The following NRP2 variants were observed in gnomAD, a reference collection of about 807,000 sequenced individuals.
The protein encoded by NRP2 is neuropilin 2.
Under a neutral mutation model 110.4 loss-of-function variants are expected in NRP2, and 52 were observed. The observed-to-expected ratio is 0.47, with a 90% CI of 0.38 to 0.59. The LOEUF (loss-of-function observed/expected upper bound fraction) is 0.59. Ranked by LOEUF, NRP2 falls within the 20% of genes least tolerant of loss-of-function variation. The pLI is 0.00. For missense variants in NRP2, 1,049 were observed against 1,203.0 expected (o/e 0.87, Z 1.89); for synonymous variants, 508 against 468.9 (o/e 1.08, Z -1.08).
chr2:205,717,094 C>T (rs909004382), intron 3 of NRP2, among the ~76,000 whole-genome samples: 1 of 152,094 alleles, frequency 6.6e-6, no homozygotes, highest in African/African-American at 2.4e-5. Flanking sequence ...AAACTAAATA[C>T]AGCAGACTTT....
chr2:205,774,827 A>T (rs535081154), intron 15 of NRP2, among the ~76,000 whole-genome samples: 1 of 152,318 alleles, frequency 6.6e-6, no homozygotes, highest in East Asian at 1.9e-4. Context: ...TGATTCACCA[A>T]GCATTTATTG....
intron 7 of NRP2, among the ~76,000 whole-genome samples, chr2:205,735,918 C>T (rs781705737): frequency 3.9e-5 from 6 of 152,182 alleles, no homozygotes; most frequent in Non-Finnish European, 5.9e-5. Context: ...TTTTTAAATA[C>T]GCACACACAT....
intron 15 of NRP2, among the ~76,000 whole-genome samples, chr2:205,790,635 G>A (rs931492199): frequency 3.4e-5 from 5 of 146,066 alleles, no homozygotes; most frequent in African/African-American, 1.0e-4. Flanking sequence ...GAAATGTGAC[G>A]GTTTTCTTCC....
chr2:205,687,143 G>T (rs2056188650), intron 1 of NRP2, among the ~76,000 whole-genome samples: 1 of 152,160 alleles, frequency 6.6e-6, no homozygotes, highest in East Asian at 1.9e-4. Flanking sequence ...GACACGCGCA[G>T]ATTCTCGGTC....
chr2:205,688,007 CTGAG>C (rs2056216463), intron 1 of NRP2, among the ~76,000 whole-genome samples: 1 of 152,142 alleles, frequency 6.6e-6, no homozygotes, highest in African/African-American at 2.4e-5. Context: ...TCAGGATGAC[CTGAG>C]TGTAAGACAA....
intron 5 of NRP2, among the ~76,000 whole-genome samples, chr2:205,724,815 C>T (rs560641053): frequency 2.6e-5 from 4 of 152,002 alleles, no homozygotes; most frequent in African/African-American, 4.8e-5. Flanking sequence ...TACAGGCATG[C>T]GCCACCATGC....
intron 15 of NRP2, among the ~76,000 whole-genome samples, chr2:205,774,544 G>A (rs893071939): frequency 1.3e-5 from 2 of 152,170 alleles, no homozygotes; most frequent in Admixed American, 1.3e-4. Flanking sequence ...GGGACTTCTG[G>A]TCACCCAAGA....
intron 9 of NRP2, among the ~76,000 whole-genome samples, chr2:205,745,269 G>A (rs1021806786): frequency 1.3e-5 from 2 of 152,200 alleles, no homozygotes; most frequent in Non-Finnish European, 2.9e-5. Flanking sequence ...TTCCCGTAAG[G>A]TTCTCAGTGA....
intron 1 of NRP2, among the ~76,000 whole-genome samples, chr2:205,687,937 A>G (rs1030367701): frequency 1.3e-5 from 2 of 152,164 alleles, no homozygotes; most frequent in Non-Finnish European, 2.9e-5. Flanking sequence ...GATTCTGGGG[A>G]CCCTGGTGTT....
intron 15 of NRP2, chr2:205,777,177 G>C (rs1323102551): frequency 4.1e-6 from 4 of 984,264 alleles, no homozygotes; most frequent in Non-Finnish European, 4.8e-6. Flanking sequence ...GGTTTCTGTT[G>C]GCTGTCATTG....
Position 205,765,535 on chromosome 2 carries a change from G to C in NRP2, c.2369G>C (p.Arg790Pro). The change falls in exon 14 of 17, where the codon CGG (arginine) becomes CCG (proline). Residue 790 changes from arginine to proline, a missense_variant. Arg to Pro is a moderately radical substitution (Grantham distance 103). Coordinates refer to ENST00000357785, the MANE Select transcript of NRP2 (RefSeq NM_003872.3). ...GGAGAGATTGCCATTGATGACATTCGGATAAGCACTGATGTCCCACTGGAG... is the reference window on the plus strand; with the variant it reads ...GGAGAGATTGCCATTGATGACATTCCGATAAGCACTGATGTCCCACTGGAG... ...RSGEIAIDDI[R>P]ISTDVPLENC... 6.2e-7 allele frequency: 1 copy of C among 1,614,066 alleles called. No individual in the cohort carries two copies. The highest frequency in any genetic ancestry group is 8.5e-7 in the Non-Finnish European group (1 of 1,179,980).
chr2:205,697,874 T>C, intron 2 of NRP2, 153 bp downstream of exon 2: 1 of 789,040 alleles, frequency 1.3e-6, no homozygotes, highest in Non-Finnish European at 2.2e-6. Flanking sequence ...TCAAGGGGCA[T>C]TCCCTTTCCA....
At chr2:205,720,724 T>C (rs2056993737) in intron 3 of NRP2, among the ~76,000 whole-genome samples, 2 of 152,204 alleles carry the variant, frequency 1.3e-5, no homozygotes, top group Admixed American at 1.3e-4. Flanking sequence ...CTTTGCTGAA[T>C]TGCCTCATCC....
chr2:205,696,353 A>G (rs2056426465), intron 1 of NRP2, among the ~76,000 whole-genome samples: 1 of 152,220 alleles, frequency 6.6e-6, no homozygotes, highest in Non-Finnish European at 1.5e-5. Flanking sequence ...GTCGTAATAC[A>G]TAATTCACGG....
chr2:205,686,721 G>C lies in NRP2; in HGVS notation c.73+3358G>C, dbSNP rs2056174533. ...AAGTTTTAGGGGATCTTGCCCATAT[G>C]CGTTGCGGCTTCTGCGGCTCCGGCT... On this transcript the variant is annotated intron_variant, in intron 1 of 16. Transcript: ENST00000357785. This position sits in a 1 kb window ranked among gnomAD's most constrained non-coding sequence, Gnocchi z 4.7. 6.6e-6 allele frequency among the ~76,000 whole-genome samples: 1 copy of C among 152,186 alleles called. No individual in the cohort carries two copies. The highest frequency in any genetic ancestry group is 1.5e-5 in the Non-Finnish European group (1 of 68,038).
Position 205,723,765 on chromosome 2 carries a change from T to C in NRP2, c.665-20T>C, listed in dbSNP as rs2057068354. The C allele has an allele frequency of 6.2e-7, 1 of 1,613,968 alleles. No individual in the cohort carries two copies. The highest frequency in any genetic ancestry group is 8.5e-7 in the Non-Finnish European group (1 of 1,179,914). ...TGACATTTTGATTTCCACTGACTTC[T>C]CTTTGTCTTGAATGTCCAGTTGGCC... is the stretch of plus-strand genomic sequence containing the variant. On this transcript the variant is annotated intron_variant, in intron 4 of 16. Coordinates refer to ENST00000357785, the MANE Select transcript of NRP2 (RefSeq NM_003872.3).
chr2:205,728,823 G>A (rs993025203), intron 7 of NRP2, among the ~76,000 whole-genome samples: 1 of 152,246 alleles, frequency 6.6e-6, no homozygotes, highest in Non-Finnish European at 1.5e-5. Context: ...GTAGGATTGG[G>A]GTATCTGTGA....
At chr2:205,786,943 C>T (rs930312362) in intron 15 of NRP2, among the ~76,000 whole-genome samples, 1 of 152,084 alleles carries the variant, frequency 6.6e-6, no homozygotes, top group East Asian at 1.9e-4. Context: ...CAGGAGAGGA[C>T]AGAGTTAGGG....
At chr2:205,715,013 A>G (rs114681974) in intron 2 of NRP2, among the ~76,000 whole-genome samples, 2,149 of 152,272 alleles carry the variant, frequency 0.014, 58 homozygotes, top group African/African-American at 0.049. Context: ...AGATTTCTTA[A>G]GTGTTGCTTT....
Sources: gnomAD v4.1 joint callset for allele counts (sites outside exome capture counted in the v4.1 genomes callset) on GRCh38, gnomAD v4.1.1 for gene constraint, Gnocchi (gnomAD v3.1) non-coding constraint, MANE v1.5 for transcripts, NCBI Gene and HGNC (gene_info 2026-07-23, HGNC 2026-07-21) for gene names.